Variants in PLXNA1 observed in about 807,000 individuals in gnomAD.
PLXNA1 encodes plexin-A1.
In PLXNA1, 77 loss-of-function variants were observed where a neutral mutation model predicts 191.7. The observed-to-expected ratio is 0.40, with a 90% CI of 0.33 to 0.49. PLXNA1 has a LOEUF of 0.49. Ranked by LOEUF, PLXNA1 falls within the 20% of genes least tolerant of loss-of-function variation. The probability of loss-of-function intolerance (pLI) is 0.63; values close to 1 mark genes in which losing one functional copy is unlikely to be tolerated. For missense variants in PLXNA1, 2,110 were observed against 2,660.2 expected (o/e 0.79, Z 4.55); for synonymous variants, 1,137 against 1,156.4 (o/e 0.98, Z 0.34).
rs774979045 is a variant in PLXNA1, at chr3:126,991,401, C to T, written c.1212C>T (p.Asp404=). The change falls in exon 3 of 32, where the codon GAC becomes GAT. Residue 404 remains aspartate (D), a synonymous_variant. Coordinates refer to ENST00000393409, the MANE Select transcript of PLXNA1 (RefSeq NM_032242.4). ...GCINSPLQID[D]DFCGQDFNQP... ...TCCCACAGCCCCTGCAGATCGATGACGACTTCTGCGGGCAGGACTTCAACC... is the reference window on the plus strand; with the variant it reads ...TCCCACAGCCCCTGCAGATCGATGATGACTTCTGCGGGCAGGACTTCAACC... 1.8e-5 allele frequency: 29 copies of T among 1,612,616 alleles called. No homozygotes were observed. The highest frequency in any genetic ancestry group is 5.5e-5 in the South Asian group (5 of 91,040).
chr3:127,030,358 C>T lies in PLXNA1; in HGVS notation c.5177C>T (p.Ala1726Val), dbSNP rs1241333627. 1.2e-6 allele frequency: 2 copies of T among 1,613,924 alleles called. No homozygotes were observed. Among genetic ancestry groups the T allele is most frequent in the Non-Finnish European group, 1.7e-6 (2 of 1,180,028 alleles). ...KYMFDFLDEQ[A>V]DKHQIHDADV... ...ATGTTCGACTTCCTGGATGAGCAGG[C>T]CGACAAGCACCAGATCCACGATGCT... The change falls in exon 29 of 32, where the codon GCC (alanine) becomes GTC (valine). Residue 1726 changes from alanine (A) to valine (V), a missense_variant. Transcript: ENST00000393409.
Position 127,004,963 on chromosome 3 carries a change from G to A in PLXNA1, c.1698G>A (p.Leu566=), listed in dbSNP as rs141786706. 8 of 1,610,622 alleles carry A rather than the reference G, an allele frequency of 5.0e-6. No individual in the cohort carries two copies. The highest frequency in any genetic ancestry group is 6.8e-6 in the Non-Finnish European group (8 of 1,178,326). The change falls in exon 6 of 32, where the codon CTG becomes CTA. Residue 566 remains leucine, a synonymous_variant. Transcript: ENST00000393409. ...CGGACCTGCTGCAGTGTGTGCAGCTGACTGTGCAGCCCCGCAATGTGTCTG... is the reference window on the plus strand; with the variant it reads ...CGGACCTGCTGCAGTGTGTGCAGCTAACTGTGCAGCCCCGCAATGTGTCTG... ...FAADLLQCVQ[L]TVQPRNVSVT... is the part of the protein sequence containing the mutation.
At chr3:126,993,356 G>A (rs1190569409) in intron 3 of PLXNA1, among the ~76,000 whole-genome samples, 1 of 152,212 alleles carries the variant, frequency 6.6e-6, no homozygotes, top group Admixed American at 6.5e-5. Context: ...GTCCCAAGGA[G>A]GACCGTTCTC....
At chr3:126,993,591 A>G (rs1477078097) in intron 3 of PLXNA1, among the ~76,000 whole-genome samples, 1 of 152,004 alleles carries the variant, frequency 6.6e-6, no homozygotes, top group African/African-American at 2.4e-5. Flanking sequence ...GCCTCCCAGC[A>G]CCCAACCTGG....
chr3:127,014,712 A>C lies in PLXNA1; in HGVS notation c.2758A>C (p.Ile920Leu). 6.2e-7 allele frequency: 1 copy of C among 1,611,374 alleles called. No homozygotes were observed. Among genetic ancestry groups the C allele is most frequent in the East Asian group, 2.2e-5 (1 of 44,842 alleles). ...VESEYISAEQ[I>L]VCEIGDASSV... ...CCCCTGAGGCCCGCCTGCCCACAGG[A>C]TCGTCTGTGAGATCGGGGACGCCAG... Residue 920 changes from isoleucine (I) to leucine (L), a missense_variant and splice_region_variant, in exon 14 of 32, where the codon ATC becomes CTC. This residue lies in a region of PLXNA1 where 644 missense variants were observed against 714.3 expected (regional missense o/e 0.90). Coordinates refer to ENST00000393409, the MANE Select transcript of PLXNA1 (RefSeq NM_032242.4).
intron 1 of PLXNA1, among the ~76,000 whole-genome samples, chr3:126,984,929 G>A (rs888823726): frequency 2.6e-5 from 4 of 152,208 alleles, no homozygotes; most frequent in Admixed American, 6.5e-5. Context: ...CTTCAGAGCC[G>A]GATCCCCTAG....
chr3:127,028,093 G>C lies in PLXNA1; in HGVS notation c.4509+7G>C, dbSNP rs187604259. On this transcript the variant is annotated splice_region_variant and intron_variant, in intron 24 of 31. Transcript: ENST00000393409. Reference sequence around the variant, plus strand: ...GATTGACTACAAGACACTGGTGAGCGTGGCTGCCCTCTGTCCTGGGTGCCC... The same window carrying C: ...GATTGACTACAAGACACTGGTGAGCCTGGCTGCCCTCTGTCCTGGGTGCCC... 1.9e-5 allele frequency: 30 copies of C among 1,613,922 alleles called. No individual in the cohort carries two copies. In the Middle Eastern group the frequency reaches 6.6e-4, roughly 35 times the overall value.
Position 127,017,831 on chromosome 3 carries a change from C to G in PLXNA1, c.3599C>G (p.Thr1200Ser). Residue 1200 changes from threonine to serine, a missense_variant, in exon 19 of 32, where the codon ACC (threonine) becomes AGC (serine). Thr to Ser is a moderately conservative substitution (Grantham distance 58). Around this residue, in one of 4 missense-constraint regions of PLXNA1, gnomAD observed 644 missense variants for 714.3 expected, o/e 0.90. Transcript: ENST00000393409. ...ATCGGCTCCACACCCTGTACCCTCACCGTGTCGGAGACGCAACTGCTGTGC... is the reference window on the plus strand; with the variant it reads ...ATCGGCTCCACACCCTGTACCCTCAGCGTGTCGGAGACGCAACTGCTGTGC... ...VLIGSTPCTL[T>S]VSETQLLCEA... is the part of the protein sequence containing the mutation. 1 of 1,613,052 alleles carries G rather than the reference C, an allele frequency of 6.2e-7. No individual in the cohort carries two copies. Among genetic ancestry groups the G allele is most frequent in the South Asian group, 1.1e-5 (1 of 91,066 alleles).
At chr3:126,995,209 C>G (rs1576671344) in intron 3 of PLXNA1, among the ~76,000 whole-genome samples, 1 of 152,202 alleles carries the variant, frequency 6.6e-6, no homozygotes, top group East Asian at 1.9e-4. Flanking sequence ...CCTCCTTTCA[C>G]CAGAGCCCTG....
intron 23 of PLXNA1, among the ~76,000 whole-genome samples, chr3:127,023,738 A>G (rs1036136): frequency 1 from 151,760 of 152,312 alleles, 75,605 homozygotes; most frequent in Middle Eastern, 1. Context: ...AGTCCTGGCC[A>G]GACATCCTCG....
Position 127,017,079 on chromosome 3 carries a change from C to G in PLXNA1, c.3276+42C>G, listed in dbSNP as rs947919729. ...AGCTGCCCACCTCGGTCCAGGCCTT[C>G]ACCTGGGATGGGGCTCCTGCTAGGA... On this transcript the variant is annotated intron_variant, in intron 17 of 31. Coordinates refer to ENST00000393409, the MANE Select transcript of PLXNA1 (RefSeq NM_032242.4). 6.6e-6 allele frequency: 10 copies of G among 1,517,618 alleles called. No individual in the cohort carries two copies. The Admixed American group carries it at 6.8e-5, about 10-fold the overall frequency. The allele number at this position is 1,517,618 out of a possible 1,614,324, so 94.0% of individuals were successfully genotyped here.
At position 127,007,877 on chromosome 3, in the gene PLXNA1, C is replaced by G. The variant is rs756985363; in HGVS notation, c.2076C>G (p.Asp692Glu). 3.1e-6 allele frequency: 5 copies of G among 1,611,860 alleles called. No individual in the cohort carries two copies. The East Asian group carries it at 1.1e-4, about 36-fold the overall frequency. The change falls in exon 9 of 32, where the codon GAC becomes GAG. Residue 692 changes from aspartate to glutamate, a missense_variant. Transcript: ENST00000393409. ...ACGTGTGCACACACAACGTGGCTGA[C>G]TGCGCCTTCCTGGAGGGCCGTGTCA... is the stretch of plus-strand genomic sequence containing the variant. Reference protein sequence around the residue: ...YRHVCTHNVADCAFLEGRVNV... With the variant: ...YRHVCTHNVAECAFLEGRVNV...
intron 14 of PLXNA1, 115 bp from the exon 15 acceptor site, chr3:127,015,069 C>A: frequency 6.9e-7 from 1 of 1,444,478 alleles, no homozygotes; most frequent in Non-Finnish European, 9.3e-7. Flanking sequence ...CCCGGGCATG[C>A]GGGCTCCTAG....
intron 20 of PLXNA1, 126 bp from the exon 21 acceptor site, chr3:127,020,076 T>G (rs541682626): frequency 5.0e-6 from 6 of 1,208,688 alleles, no homozygotes; most frequent in Non-Finnish European, 7.0e-6. Flanking sequence ...CACAGTAGTT[T>G]CCTTAAGATC....
At chr3:127,028,651 T>A in intron 25 of PLXNA1, 1 of 491,776 alleles carries the variant, frequency 2.0e-6, no homozygotes, top group Non-Finnish European at 3.6e-6. Context: ...CCAGAGGGGA[T>A]GGGACGGGTT....
At chr3:126,997,960 C>T (rs981278037) in intron 3 of PLXNA1, among the ~76,000 whole-genome samples, 3 of 152,330 alleles carry the variant, frequency 2.0e-5, no homozygotes, top group South Asian at 4.1e-4. Flanking sequence ...GTATCCACAC[C>T]GGGCAGTCGC....
Position 127,018,428 on chromosome 3 carries a change from C to T in PLXNA1, c.3795C>T (p.Ile1265=), listed in dbSNP as rs769380903. The T allele has an allele frequency of 1.8e-5, 29 of 1,612,902 alleles. No individual in the cohort carries two copies. The highest frequency in any genetic ancestry group is 1.0e-4 in the Admixed American group (6 of 60,000). ...LLLLVIVAVL[I]AYKRKSRDAD... is the part of the protein sequence containing the mutation. ...TGCTGGTCATCGTGGCTGTGCTCAT[C>T]GCCTACAAGCGCAAGTCACGAGATG... Residue 1265 remains isoleucine, a synonymous_variant, in exon 20 of 32, where the codon ATC becomes ATT. Coordinates refer to ENST00000393409, the MANE Select transcript of PLXNA1 (RefSeq NM_032242.4).
intron 23 of PLXNA1, among the ~76,000 whole-genome samples, chr3:127,023,445 AC>A (rs1387011146): frequency 6.6e-6 from 1 of 151,988 alleles, no homozygotes; most frequent in East Asian, 1.9e-4. Flanking sequence ...TGGTTAGCCC[AC>A]TCCTGAGAGG....
chr3:126,997,167 C>T (rs1290261272), intron 3 of PLXNA1, among the ~76,000 whole-genome samples: 3 of 152,246 alleles, frequency 2.0e-5, no homozygotes. Flanking sequence ...CATGCCTGTG[C>T]ATCCTGCCCA....
Sources: allele counts gnomAD v4.1 joint callset (sites outside exome capture counted in the v4.1 genomes callset), GRCh38; gene constraint gnomAD v4.1.1; regional missense constraint gnomAD v4.1.1; transcripts MANE v1.5; gene names NCBI Gene and HGNC (gene_info 2026-07-23, HGNC 2026-07-21).